Variants in RLN2 observed in about 807,000 individuals in gnomAD.
RLN2 encodes relaxin 2, also known as prorelaxin H2.
RLN2 carries 10 observed loss-of-function variants against 7.3 expected under a neutral mutation model. The observed-to-expected ratio is 1.36, with a 90% CI of 0.84 to 2.31. RLN2 has a LOEUF of 2.31. RLN2 is among the 30% of genes most tolerant of loss of function. The pLI, the probability that RLN2 is intolerant of heterozygous loss-of-function variation, is 0.00. For synonymous variants in RLN2, 103 were observed against 82.3 expected (o/e 1.25, Z -1.36); for missense variants, 298 against 217.6 (o/e 1.37, Z -2.32).
the RLN2 span, among the ~76,000 whole-genome samples, chr9:5,330,788 A>C: frequency 6.7e-6 from 1 of 150,372 alleles, no homozygotes; most frequent in East Asian, 1.9e-4. Context: ...AAAAACCTTC[A>C]AAACATCAAT....
At chr9:5,308,224 C>T (rs1008627618), upstream of RLN2, among the ~76,000 whole-genome samples, 1 of 151,960 alleles carries the variant, frequency 6.6e-6, no homozygotes, top group African/African-American at 2.4e-5. Flanking sequence ...GAAGGGCCAT[C>T]GTGATCTTCA....
chr9:5,336,796 A>G, the RLN2 span, among the ~76,000 whole-genome samples: 146 of 152,064 alleles, frequency 9.6e-4, 1 homozygote, highest in Non-Finnish European at 1.5e-3. Flanking sequence ...AAGAGAAGAG[A>G]GGAGTAAATC....
At chr9:5,313,529 T>C in the RLN2 span, among the ~76,000 whole-genome samples, 7 of 152,070 alleles carry the variant, frequency 4.6e-5, no homozygotes, top group Non-Finnish European at 8.8e-5. Flanking sequence ...TCAGTGACTC[T>C]ATGTCTTAAA....
the RLN2 span, among the ~76,000 whole-genome samples, chr9:5,314,544 C>T: frequency 6.6e-6 from 1 of 151,996 alleles, no homozygotes; most frequent in African/African-American, 2.4e-5. Context: ...GATGAGATGA[C>T]ATGGTATTTT....
chr9:5,331,875 T>C, the RLN2 span, among the ~76,000 whole-genome samples: 11 of 152,032 alleles, frequency 7.2e-5, no homozygotes, highest in African/African-American at 2.7e-4. Context: ...GGGCACAATT[T>C]TGCAGTATCT....
the RLN2 span, among the ~76,000 whole-genome samples, chr9:5,334,148 T>C: frequency 4.6e-5 from 7 of 151,920 alleles, no homozygotes; most frequent in African/African-American, 9.7e-5. Flanking sequence ...CTGTTCAACA[T>C]AGTGTTGGAA....
intron 1 of RLN2, among the ~76,000 whole-genome samples, chr9:5,301,423 T>C (rs996803517): frequency 6.6e-6 from 1 of 152,216 alleles, no homozygotes; most frequent in South Asian, 2.1e-4. Flanking sequence ...TTTAAATGTT[T>C]CTTGCTCTCA....
rs146743552 is a variant in RLN2 at position 5,304,633 on chromosome 9, A to G, written c.-53T>C. On this transcript the variant is annotated 5_prime_UTR_variant, in exon 1 of 2. Coordinates refer to ENST00000381627, the MANE Select transcript of RLN2 (RefSeq NM_134441.3). ...GGACGTTGCAGCCTTTCAGGACTGCAGCTGCTGTGGCCTACACACCTGGGC... is the reference window on the plus strand; with the variant it reads ...GGACGTTGCAGCCTTTCAGGACTGCGGCTGCTGTGGCCTACACACCTGGGC... 3,211 of 1,572,230 alleles carry G rather than the reference A, an allele frequency of 2.0e-3. 43 individuals are homozygous for G. In the East Asian group the frequency reaches 0.029, roughly 14 times the overall value.
the RLN2 span, among the ~76,000 whole-genome samples, chr9:5,320,873 T>C: frequency 6.6e-6 from 1 of 152,172 alleles, no homozygotes; most frequent in East Asian, 1.9e-4. Context: ...AATTTTATCA[T>C]TATCATCTGA....
rs373868453 is a variant in RLN2, at chr9:5,300,337, G to A, written c.319C>T (p.Pro107Ser). 1.2e-6 allele frequency: 2 copies of A among 1,613,700 alleles called. No homozygotes were observed. The highest frequency in any genetic ancestry group is 1.6e-4 in the Middle Eastern group (1 of 6,062). Residue 107 changes from proline to serine, a missense_variant, in exon 2 of 2, where the codon CCA (proline) becomes TCA (serine). Transcript: ENST00000381627. ...ELKLTLSEMQ[P>S]ALPQLQQHVP... ...TGTTGTTGTAGCTGTGGTAATGCTG[G>A]CTGCATCTCAGACAGGGTTAACTTC... is the stretch of plus-strand genomic sequence containing the variant.
At chr9:5,336,936 G>C in the RLN2 span, among the ~76,000 whole-genome samples, 1 of 151,940 alleles carries the variant, frequency 6.6e-6, no homozygotes, top group Admixed American at 6.6e-5. Flanking sequence ...AGAATCAGTT[G>C]TTCTCCTTTT....
chr9:5,326,322 G>T, the RLN2 span, among the ~76,000 whole-genome samples: 2 of 152,106 alleles, frequency 1.3e-5, no homozygotes, highest in Non-Finnish European at 2.9e-5. Context: ...TAGGCTAGAA[G>T]GGGAAGAAGG....
At chr9:5,310,916 A>C in the RLN2 span, among the ~76,000 whole-genome samples, 1 of 152,094 alleles carries the variant, frequency 6.6e-6, no homozygotes, top group African/African-American at 2.4e-5. Flanking sequence ...AAGAAAAATA[A>C]AAATTTTTGT....
chr9:5,305,707 G>C (rs1474762581), upstream of RLN2, among the ~76,000 whole-genome samples: 1 of 151,970 alleles, frequency 6.6e-6, no homozygotes, highest in Non-Finnish European at 1.5e-5. Flanking sequence ...GATTAGTTCA[G>C]CTCCATCAGA....
At chr9:5,309,983 C>G in the RLN2 span, among the ~76,000 whole-genome samples, 1 of 151,860 alleles carries the variant, frequency 6.6e-6, no homozygotes, top group African/African-American at 2.4e-5. Context: ...GTGAGGAGAT[C>G]CAGGCTGCCA....
chr9:5,328,920 T>C, the RLN2 span, among the ~76,000 whole-genome samples: 1 of 152,002 alleles, frequency 6.6e-6, no homozygotes, highest in Admixed American at 6.6e-5. Context: ...CTTACGAGAT[T>C]TCCTGAAGGA....
chr9:5,300,674 C>CGTCTCT (rs1816101616), intron 1 of RLN2, among the ~76,000 whole-genome samples: 2 of 152,178 alleles, frequency 1.3e-5, no homozygotes, highest in African/African-American at 4.8e-5. Flanking sequence ...GGTCCTCTCT[C>CGTCTCT]GTCTCTCTTC....
the RLN2 span, chr9:5,335,092 T>C: frequency 3.9e-6 from 2 of 512,034 alleles, no homozygotes; most frequent in East Asian, 3.1e-5. Flanking sequence ...GAAACTACAA[T>C]CATACAAAGA....
the RLN2 span, among the ~76,000 whole-genome samples, chr9:5,317,717 G>C: frequency 6.6e-6 from 1 of 151,836 alleles, no homozygotes; most frequent in African/African-American, 2.4e-5. Context: ...CAAAATTCTA[G>C]AGAAAAATGG....
Sources: allele counts gnomAD v4.1 joint callset (sites outside exome capture counted in the v4.1 genomes callset), GRCh38; gene constraint gnomAD v4.1.1; transcripts MANE v1.5; gene names NCBI Gene and HGNC (gene_info 2026-07-23, HGNC 2026-07-21).